Variants in PTPRD observed in about 807,000 individuals in gnomAD.
PTPRD encodes the protein receptor-type tyrosine-protein phosphatase delta.
In PTPRD, 34 loss-of-function variants were observed where a neutral mutation model predicts 214.5. The ratio of observed to expected loss-of-function variants is 0.16; its 90% CI spans 0.12 to 0.21. PTPRD has a LOEUF of 0.21. Among genes scored for constraint, PTPRD ranks in the 10% least tolerant of loss-of-function variants. The probability of loss-of-function intolerance (pLI) is 1.00; values close to 1 mark genes in which losing one functional copy is unlikely to be tolerated. For missense variants in PTPRD, 2,545 were observed against 2,398.7 expected, an observed-to-expected ratio of 1.06 and a Z score of -1.27; for synonymous variants, 1,128 against 845.7, an observed-to-expected ratio of 1.33 and a Z score of -5.79.
chr9:8,846,609 G>C (rs575848183), intron 11 of PTPRD, among the ~76,000 whole-genome samples: 1 of 152,258 alleles, frequency 6.6e-6, no homozygotes, highest in South Asian at 2.1e-4. Context: ...AAAAATGGAA[G>C]GGTTGGGGAC....
At chr9:9,815,551 G>C (rs1490271418) in intron 5 of PTPRD, among the ~76,000 whole-genome samples, 1 of 151,950 alleles carries the variant, frequency 6.6e-6, no homozygotes, top group Non-Finnish European at 1.5e-5. Context: ...CACAGCAAAG[G>C]AAACAATAAA....
rs57010858 is a variant in PTPRD at position 9,503,283 on chromosome 9, G to GT, written c.-237+71448dup. On this transcript the variant is annotated intron_variant, in intron 8 of 45. Transcript: ENST00000381196. ...AGTTCTGGTACCTATACCAAAAAAAGTTTTTTTTTTTTATTTTTCTTCTTG... is the reference window on the plus strand; with the variant it reads ...AGTTCTGGTACCTATACCAAAAAAAGTTTTTTTTTTTTTATTTTTCTTCTTG... 1.0e-3 allele frequency among the ~76,000 whole-genome samples: 149 copies of GT among 148,354 alleles called. 1 individual carries two copies. The highest frequency in any genetic ancestry group is 7.5e-3 in the East Asian group (38 of 5,046).
At chr9:8,862,929 G>T (rs943665325) in intron 11 of PTPRD, among the ~76,000 whole-genome samples, 1 of 152,132 alleles carries the variant, frequency 6.6e-6, no homozygotes, top group Non-Finnish European at 1.5e-5. Flanking sequence ...TGGGGTGGTG[G>T]GGGGGAGGGA....
intron 43 of PTPRD, 24 bp downstream of exon 43, chr9:8,338,898 G>C (rs1205874397): frequency 6.4e-7 from 1 of 1,570,060 alleles, no homozygotes; most frequent in East Asian, 2.3e-5. Flanking sequence ...TAATGGTTAA[G>C]AGTTGAAGAC....
intron 8 of PTPRD, among the ~76,000 whole-genome samples, chr9:9,520,991 G>T (rs944570726): frequency 6.6e-6 from 1 of 152,176 alleles, no homozygotes; most frequent in African/African-American, 2.4e-5. Context: ...ACCTGCATCA[G>T]ATGGGGTACT....
In PTPRD at chr9:9,462,239, T is replaced by A. The variant is rs184363095; in HGVS notation, c.-236-64757A>T. ...ACCTTCAGCCACCTTTTAGGATTTT[T>A]GAGAGAAAAGGGAGTTTAGAACTAG... is the stretch of plus-strand genomic sequence containing the variant. On this transcript the variant is annotated intron_variant, in intron 8 of 45. Transcript: ENST00000381196. Among the ~76,000 whole-genome samples, 169 of 152,224 alleles carry A rather than the reference T, an allele frequency of 1.1e-3. 1 individual carries two copies. The highest frequency in any genetic ancestry group is 1.9e-3 in the Non-Finnish European group (128 of 67,988).
At chr9:10,208,331 G>A (rs928956105) in intron 3 of PTPRD, among the ~76,000 whole-genome samples, 6 of 152,276 alleles carry the variant, frequency 3.9e-5, no homozygotes, top group South Asian at 4.1e-4. Flanking sequence ...TGGCTAACAC[G>A]GTGAAACCCC....
chr9:9,878,476 G>C (rs766228830), intron 5 of PTPRD, among the ~76,000 whole-genome samples: 1 of 152,116 alleles, frequency 6.6e-6, no homozygotes, highest in Non-Finnish European at 1.5e-5. Context: ...AGACTTAAAG[G>C]ATGAATAGGC....
intron 4 of PTPRD, among the ~76,000 whole-genome samples, chr9:9,940,545 T>C (rs1308155071): frequency 3.3e-5 from 5 of 152,190 alleles, no homozygotes; most frequent in African/African-American, 9.6e-5. Flanking sequence ...ATAACTTTTA[T>C]AAATCTTGAT....
intron 5 of PTPRD, among the ~76,000 whole-genome samples, chr9:9,780,321 G>A (rs562733012): frequency 6.6e-6 from 1 of 152,102 alleles, no homozygotes; most frequent in African/African-American, 2.4e-5. Context: ...CTTACTACCT[G>A]AGTGCAATAT....
chr9:10,500,687 C>G (rs890560223), intron 2 of PTPRD, among the ~76,000 whole-genome samples: 15 of 151,776 alleles, frequency 9.9e-5, no homozygotes, highest in African/African-American at 3.6e-4. Context: ...CCAACTTCCC[C>G]CCAACCCCTC....
intron 9 of PTPRD, among the ~76,000 whole-genome samples, chr9:9,291,862 A>G (rs10977641): frequency 0.11 from 16,437 of 149,604 alleles, 1,209 homozygotes; most frequent in Middle Eastern, 0.16. Flanking sequence ...GTGTGTGTGT[A>G]ATATGTGTAT....
intron 7 of PTPRD, among the ~76,000 whole-genome samples, chr9:9,600,756 T>G (rs2093687150): frequency 6.6e-6 from 1 of 152,138 alleles, no homozygotes; most frequent in Non-Finnish European, 1.5e-5. Flanking sequence ...TCCTTCCGAT[T>G]TTATTCACTG....
chr9:9,763,063 C>T (rs753087446), intron 6 of PTPRD, among the ~76,000 whole-genome samples: 4 of 152,172 alleles, frequency 2.6e-5, no homozygotes, highest in Admixed American at 1.3e-4. Context: ...TCTTCCTCTT[C>T]TTATACAGCC....
intron 9 of PTPRD, among the ~76,000 whole-genome samples, chr9:9,269,834 A>C (rs369622794): frequency 9.9e-5 from 15 of 151,308 alleles, no homozygotes; most frequent in East Asian, 9.8e-4. Flanking sequence ...GAGTAGAAGG[A>C]TGGTAACCTG....
chr9:9,813,332 T>G (rs956108889), intron 5 of PTPRD, among the ~76,000 whole-genome samples: 8 of 151,604 alleles, frequency 5.3e-5, no homozygotes, highest in African/African-American at 1.9e-4. Context: ...GAAAGACAAT[T>G]AAAATGATCA....
intron 7 of PTPRD, among the ~76,000 whole-genome samples, chr9:9,586,138 C>A (rs2091907348): frequency 1.3e-5 from 2 of 151,912 alleles, no homozygotes; most frequent in Admixed American, 1.3e-4. Flanking sequence ...AGTTTTGTCA[C>A]ATATGTTCTG....
At chr9:9,477,820 A>G (rs2095174661) in intron 8 of PTPRD, among the ~76,000 whole-genome samples, 1 of 151,382 alleles carries the variant, frequency 6.6e-6, no homozygotes, top group Admixed American at 6.6e-5. Flanking sequence ...ACGTGTTTCA[A>G]AAAAAACAAC....
intron 3 of PTPRD, among the ~76,000 whole-genome samples, chr9:10,094,741 A>G (rs555586625): frequency 6.5e-4 from 99 of 151,518 alleles, no homozygotes; most frequent in African/African-American, 1.9e-3. Context: ...AATGGCTCTC[A>G]TGGCAAAATA....
Sources: gnomAD v4.1 joint callset for allele counts (sites outside exome capture counted in the v4.1 genomes callset) on GRCh38, gnomAD v4.1.1 for gene constraint, MANE v1.5 for transcripts, NCBI Gene and HGNC (gene_info 2026-07-23, HGNC 2026-07-21) for gene names.